NENF: variants seen among roughly 807,000 people sequenced by gnomAD.
NENF encodes the protein neudesin neurotrophic factor.
NENF carries 6 observed loss-of-function variants against 14.8 expected under a neutral mutation model. That is an observed-to-expected ratio of 0.40 (90% confidence interval 0.22 to 0.80). The LOEUF (loss-of-function observed/expected upper bound fraction) is 0.80, where lower values mean the gene tolerates loss of function less well. NENF is among the 30% of genes least tolerant of loss of function. The pLI is 0.34. For missense variants in NENF, 184 were observed against 212.7 expected (o/e 0.87, Z 0.84); for synonymous variants, 76 against 95.1 (o/e 0.80, Z 1.17).
intron 3 of NENF, 82 bp from the exon 4 acceptor site, chr1:212,445,748 A>G: frequency 7.4e-7 from 1 of 1,353,752 alleles, no homozygotes; most frequent in South Asian, 1.3e-5. Flanking sequence ...TGTGGGAGGC[A>G]AGGCAGGGAT....
In NENF at chr1:212,444,342, T is replaced by C; in HGVS notation, c.242T>C (p.Phe81Ser). ...TCTTCCTTCCTTCCCACTACAGAGT[T>C]TTATGGACGAGGAGCCCCCTACAAT... Reference protein sequence around the residue: ...VVFDVTSGKEFYGRGAPYNAL... With the variant: ...VVFDVTSGKESYGRGAPYNAL... Residue 81 changes from phenylalanine to serine, a missense_variant, in exon 3 of 4, where the codon TTT becomes TCT. Physicochemically the swap from Phe to Ser is radical, Grantham distance 155 (BLOSUM62 -2). Coordinates refer to ENST00000366988, the MANE Select transcript of NENF (RefSeq NM_013349.5). The C allele has an allele frequency of 6.3e-7, 1 of 1,595,786 alleles. No individual in the cohort carries two copies. Among genetic ancestry groups the C allele is most frequent in the Non-Finnish European group, 8.5e-7 (1 of 1,170,346 alleles).
Position 212,446,144 on chromosome 1 carries a change from A to G in NENF, c.*138A>G. 2.5e-6 allele frequency: 2 copies of G among 809,882 alleles called. No homozygotes were observed. Among genetic ancestry groups the G allele is most frequent in the Non-Finnish European group, 3.9e-6 (2 of 515,080 alleles). The allele number at this position is 809,882 out of a possible 1,614,324, so 50.2% of individuals were successfully genotyped here. The stretch of plus-strand genomic sequence containing the variant: ...AACAGATGCTTACCCTGGAAGAGCA[A>G]ATGCCTCCTGTTGTCCTTGGTCAGG... On this transcript the variant is annotated 3_prime_UTR_variant, in exon 4 of 4. Transcript: ENST00000366988.
At chr1:212,445,669 C>G (rs1662767028) in intron 3 of NENF, among the ~76,000 whole-genome samples, 161 bp from the exon 4 acceptor site, 1 of 150,714 alleles carries the variant, frequency 6.6e-6, no homozygotes, top group Admixed American at 6.6e-5. Flanking sequence ...GCCCCCCCCA[C>G]AGCAGTGTCT....
chr1:212,439,929 G>T (rs1399993600), intron 1 of NENF, among the ~76,000 whole-genome samples: 1 of 152,030 alleles, frequency 6.6e-6, no homozygotes, highest in Admixed American at 6.6e-5. Context: ...GTATGTGAAT[G>T]TTATATTTAT....
chr1:212,438,035 T>C (rs1182728272), intron 1 of NENF, among the ~76,000 whole-genome samples: 5 of 152,156 alleles, frequency 3.3e-5, no homozygotes, highest in Admixed American at 3.3e-4. Flanking sequence ...TTGGTGCTTC[T>C]TTAGAACTCC....
chr1:212,443,809 C>A (rs1241635538), intron 2 of NENF, among the ~76,000 whole-genome samples: 5 of 151,500 alleles, frequency 3.3e-5, no homozygotes, highest in Middle Eastern at 3.2e-3. Flanking sequence ...TTTAGGAGGC[C>A]AAGGTGGGCA....
In NENF at chr1:212,446,260, G is replaced by A. The variant is rs752389710; in HGVS notation, c.*254G>A. On this transcript the variant is annotated 3_prime_UTR_variant, in exon 4 of 4. Transcript: ENST00000366988. The stretch of plus-strand genomic sequence containing the variant: ...TCCTAGATGTCAGTATCAGCTGGCT[G>A]GGCAGTGGAATTTTGAGCGACCTTT... 2.8e-5 allele frequency: 12 copies of A among 435,798 alleles called. No individual in the cohort carries two copies. Among genetic ancestry groups the A allele is most frequent in the Non-Finnish European group, 4.9e-5 (12 of 244,938 alleles). The allele number at this position is 435,798 out of a possible 1,614,324, so 27.0% of individuals were successfully genotyped here.
intron 1 of NENF, among the ~76,000 whole-genome samples, chr1:212,440,326 G>C (rs894399976): frequency 6.6e-5 from 10 of 151,690 alleles, no homozygotes; most frequent in African/African-American, 2.4e-4. Flanking sequence ...ACAAAATACT[G>C]GGGTTAAATG....
At position 212,435,231 on chromosome 1, in the gene NENF, C is replaced by T. The variant is rs568071452; in HGVS notation, c.177+2111C>T. On this transcript the variant is annotated intron_variant, in intron 1 of 3. Transcript: ENST00000366988. ...TGTTCGTAAGATACTTGGATTAGTC[C>T]AGGTTTCACCAGGGAACAGAACCAT... Among the ~76,000 whole-genome samples the T allele has an allele frequency of 2.2e-4, 33 of 152,198 alleles. 1 individual carries two copies. The highest frequency in any genetic ancestry group is 1.2e-3 in the South Asian group (6 of 4,832).
intron 1 of NENF, among the ~76,000 whole-genome samples, chr1:212,440,449 G>C (rs986987506): frequency 6.6e-6 from 1 of 152,082 alleles, no homozygotes; most frequent in African/African-American, 2.4e-5. Context: ...TCATCACAAA[G>C]AAAAATGCCG....
chr1:212,440,483 C>T (rs949010050), intron 1 of NENF, among the ~76,000 whole-genome samples: 2 of 152,084 alleles, frequency 1.3e-5, no homozygotes, highest in African/African-American at 2.4e-5. Flanking sequence ...AAATCCAGGC[C>T]GTTTCAAATG....
intron 1 of NENF, among the ~76,000 whole-genome samples, chr1:212,437,841 T>C (rs1359083583): frequency 2.6e-5 from 4 of 152,184 alleles, no homozygotes. Context: ...TGGTATACAT[T>C]AGTCCTCTTC....
chr1:212,444,823 C>T (rs762296184), intron 3 of NENF, among the ~76,000 whole-genome samples: 12 of 152,156 alleles, frequency 7.9e-5, no homozygotes, highest in Non-Finnish European at 1.5e-4. Context: ...CACCCCATCC[C>T]CTCAGCCCCT....
chr1:212,434,323 C>T (rs2102565772), intron 1 of NENF, among the ~76,000 whole-genome samples: 1 of 152,308 alleles, frequency 6.6e-6, no homozygotes, highest in South Asian at 2.1e-4. Flanking sequence ...AGCCTACTTG[C>T]AAGGGTGGGA....
intron 1 of NENF, among the ~76,000 whole-genome samples, chr1:212,437,970 G>A (rs890169095): frequency 6.6e-6 from 1 of 152,114 alleles, no homozygotes; most frequent in East Asian, 1.9e-4. Flanking sequence ...CCTGGGCAAC[G>A]TAGTGAGACC....
chr1:212,441,045 C>T (rs780245410), intron 1 of NENF, among the ~76,000 whole-genome samples: 17 of 152,012 alleles, frequency 1.1e-4, no homozygotes, highest in Non-Finnish European at 2.4e-4. Context: ...TTGATGGAAG[C>T]TAGAAAAGTC....
chr1:212,434,577 G>A (rs1662574817), intron 1 of NENF: 1 of 152,174 alleles, frequency 6.6e-6, no homozygotes, highest in Non-Finnish European at 1.5e-5. Context: ...GGAAGAGTGT[G>A]CTCTTCCTCA....
chr1:212,432,992 G>C lies in NENF; in HGVS notation c.49G>C (p.Ala17Pro). 1 of 1,129,742 alleles carries C rather than the reference G, an allele frequency of 8.9e-7. No homozygotes were observed. The highest frequency in any genetic ancestry group is 1.1e-6 in the Non-Finnish European group (1 of 917,008). The allele number at this position is 1,129,742 out of a possible 1,614,324, so 70.0% of individuals were successfully genotyped here. A position where few individuals can be genotyped will look rare whatever the true frequency, so the allele number is the denominator to read the frequency against. ...GCGGCTGCGGCCGCTGGCAGCGCTG[G>C]CCCTGGTCCTGGCGCTGGCCCCGGG... ...RRRLRPLAAL[A>P]LVLALAPGLP... Residue 17 changes from alanine (A) to proline (P), a missense_variant, in exon 1 of 4, where the codon GCC becomes CCC. Coordinates refer to ENST00000366988, the MANE Select transcript of NENF (RefSeq NM_013349.5).
intron 1 of NENF, 142 bp from the exon 2 acceptor site, chr1:212,442,423 C>G: frequency 1.5e-6 from 1 of 670,624 alleles, no homozygotes; most frequent in Non-Finnish European, 2.7e-6. Flanking sequence ...GGCAAGCTCG[C>G]CAAGGACCAG....
Sources: allele counts gnomAD v4.1 joint callset (sites outside exome capture counted in the v4.1 genomes callset), GRCh38; gene constraint gnomAD v4.1.1; transcripts MANE v1.5; gene names NCBI Gene and HGNC (gene_info 2026-07-23, HGNC 2026-07-21).